The following CELF1 variants were observed in gnomAD, a reference collection of about 807,000 sequenced individuals.
CELF1 encodes the protein 50 kDa nuclear polyadenylated RNA-binding protein.
In CELF1, 10 loss-of-function variants were observed where a neutral mutation model predicts 61.8. The observed-to-expected ratio is 0.16, with a 90% confidence interval of 0.10 to 0.27. CELF1 has a LOEUF of 0.27. Ranked by LOEUF, CELF1 falls within the 10% of genes least tolerant of loss-of-function variation. The probability of loss-of-function intolerance (pLI) is 1.00; values close to 1 mark genes in which losing one functional copy is unlikely to be tolerated. For missense variants in CELF1, 380 were observed against 639.1 expected (o/e 0.59, Z 4.37); for synonymous variants, 236 against 225.1 (o/e 1.05, Z -0.43).
At chr11:47,556,750 G>C (rs1332088230), upstream of CELF1, among the ~76,000 whole-genome samples, 1 of 152,106 alleles carries the variant, frequency 6.6e-6, no homozygotes, top group African/African-American at 2.4e-5. Flanking sequence ...ATGGTGGCAT[G>C]TACATCTGCA....
rs182503583 is a variant in CELF1, at chr11:47,534,996, A to T, written c.-154+17996T>A. ...AACAGTCAGAATTAGAAAAAAAAAA[A>T]TTTTTTTCCCTAAGTTGGAAGCTTT... On this transcript the variant is annotated intron_variant, in intron 1 of 14. Coordinates refer to ENST00000687097, the MANE Select transcript of CELF1 (RefSeq NM_001376376.1). Among the ~76,000 whole-genome samples, 1,054 of 151,964 alleles carry T rather than the reference A, an allele frequency of 6.9e-3. 9 individuals are homozygous for T. Among genetic ancestry groups the T allele is most frequent in the African/African-American group, 0.022 (920 of 41,436 alleles).
At chr11:47,548,423 C>T (rs990237140) in intron 1 of CELF1, among the ~76,000 whole-genome samples, 14 of 152,140 alleles carry the variant, frequency 9.2e-5, no homozygotes, top group East Asian at 3.9e-4. Flanking sequence ...ACACCAAGTG[C>T]GCAGGCAACA....
rs181717309 is a variant in CELF1 at position 47,472,031 on chromosome 11, C to A, written c.*199G>T. 6.3e-5 allele frequency: 36 copies of A among 571,112 alleles called. No homozygotes were observed. In the Admixed American group the frequency reaches 6.4e-4, roughly 10 times the overall value. The allele number at this position is 571,112 out of a possible 1,614,324, so 35.4% of individuals were successfully genotyped here. A position where few individuals can be genotyped will look rare whatever the true frequency, so the allele number is the denominator to read the frequency against. On this transcript the variant is annotated 3_prime_UTR_variant, in exon 15 of 15. Coordinates refer to ENST00000687097, the MANE Select transcript of CELF1 (RefSeq NM_001376376.1). ...CAAAGTAAAACACTGGAAACCAAAG[C>A]ACAAACTTGTCCTCTGTACGAAGCG...
chr11:47,495,473 A>G (rs935760256), intron 3 of CELF1, among the ~76,000 whole-genome samples: 3 of 152,210 alleles, frequency 2.0e-5, no homozygotes, highest in Non-Finnish European at 4.4e-5. Context: ...CTGCAATTAA[A>G]TAGTGGAAAT....
chr11:47,476,148 G>A (rs1014726577), intron 12 of CELF1, among the ~76,000 whole-genome samples: 2 of 151,064 alleles, frequency 1.3e-5, no homozygotes, highest in African/African-American at 4.9e-5. Flanking sequence ...CTACAGGCAT[G>A]CACCACTACA....
chr11:47,546,954 C>T lies in CELF1; in HGVS notation c.-154+6038G>A, dbSNP rs2096967992. Among the ~76,000 whole-genome samples, 3 of 148,148 alleles carry T rather than the reference C, an allele frequency of 2.0e-5. No homozygotes were observed. The South Asian group carries it at 6.6e-4, about 32-fold the overall frequency. Reference sequence around the variant, plus strand: ...TCATGGCATATGCCTGTAATCCCAGCTATTTGGGAGGCTGAGGCAGGAGAA... The same window carrying T: ...TCATGGCATATGCCTGTAATCCCAGTTATTTGGGAGGCTGAGGCAGGAGAA... On this transcript the variant is annotated intron_variant, in intron 1 of 14. Transcript: ENST00000687097.
At chr11:47,532,508 G>A (rs1434940637) in intron 1 of CELF1, among the ~76,000 whole-genome samples, 2 of 152,190 alleles carry the variant, frequency 1.3e-5, no homozygotes, top group African/African-American at 2.4e-5. Flanking sequence ...TTCCTTCCAT[G>A]GATAGAAAGT....
At chr11:47,565,314 C>T (rs552583026) in exon 1 of CELF1, 5 of 188,448 alleles carry the variant, frequency 2.7e-5, no homozygotes, top group Admixed American at 1.8e-4. Flanking sequence ...GGGAGGTCAC[C>T]GGCCACAGGC....
intron 6 of CELF1, among the ~76,000 whole-genome samples, chr11:47,485,083 G>A (rs776452213): frequency 1.3e-5 from 2 of 152,200 alleles, no homozygotes; most frequent in Non-Finnish European, 1.5e-5. Flanking sequence ...ACCATTCTGT[G>A]CCTGTTTCCT....
Position 47,467,667 on chromosome 11 carries a change from T to C in CELF1, c.*4563A>G, listed in dbSNP as rs1264330772. ...GTGCTAAATAAGCCTCTTACCCACCTGCTGCCACCTTCTAGGCTCTACCTC... is the reference window on the plus strand; with the variant it reads ...GTGCTAAATAAGCCTCTTACCCACCCGCTGCCACCTTCTAGGCTCTACCTC... On this transcript the variant is annotated 3_prime_UTR_variant, in exon 15 of 15. Transcript: ENST00000687097. 6.6e-6 allele frequency: 1 copy of C among 152,324 alleles called. No homozygotes were observed. The highest frequency in any genetic ancestry group is 1.5e-5 in the Non-Finnish European group (1 of 68,142). The allele number at this position is 152,324 out of a possible 1,614,324, so 9.4% of individuals were successfully genotyped here. A position where few individuals can be genotyped will look rare whatever the true frequency, so the allele number is the denominator to read the frequency against.
intron 1 of CELF1, among the ~76,000 whole-genome samples, chr11:47,522,842 A>G (rs1355074136): frequency 6.6e-6 from 1 of 152,016 alleles, no homozygotes; most frequent in Non-Finnish European, 1.5e-5. Context: ...AAAAAAAAAA[A>G]AAGCAAACTT....
intron 1 of CELF1, among the ~76,000 whole-genome samples, chr11:47,533,914 A>G (rs2096559626): frequency 6.6e-6 from 1 of 151,466 alleles, no homozygotes; most frequent in Non-Finnish European, 1.5e-5. Context: ...CTCCCTCTTC[A>G]TAAAAGCAGC....
chr11:47,502,193 C>G (rs926935294), intron 1 of CELF1, among the ~76,000 whole-genome samples: 22 of 152,196 alleles, frequency 1.4e-4, no homozygotes, highest in Admixed American at 8.5e-4. Flanking sequence ...CCCATAAATT[C>G]TCTGTGCTTA....
intron 1 of CELF1, among the ~76,000 whole-genome samples, chr11:47,534,131 C>A (rs1258386486): frequency 7.4e-6 from 1 of 135,658 alleles, no homozygotes; most frequent in Non-Finnish European, 1.5e-5. Context: ...TTAGTTCAAA[C>A]TACTCTCCTG....
intron 1 of CELF1, among the ~76,000 whole-genome samples, chr11:47,507,994 C>T (rs2094660499): frequency 6.6e-6 from 1 of 152,186 alleles, no homozygotes; most frequent in South Asian, 2.1e-4. Context: ...CTTCCATTTA[C>T]TAAGTTCACA....
intron 1 of CELF1, among the ~76,000 whole-genome samples, chr11:47,545,950 A>C (rs2096934454): frequency 6.9e-6 from 1 of 145,980 alleles, no homozygotes. Context: ...TCCCACTCTC[A>C]CCCAGGCTGG....
At chr11:47,481,102 C>CTTTTTTTTTTTTTTTTTTTTTT (rs1187959061) in intron 9 of CELF1, among the ~76,000 whole-genome samples, 7 of 71,420 alleles carry the variant, frequency 9.8e-5, no homozygotes, top group African/African-American at 2.9e-4. Flanking sequence ...TTTTCTTCTT[C>CTTTTTTTTTTTTTTTTTTTTTT]TTTTTTTTTT....
At chr11:47,552,240 C>T (rs1240267859) in intron 1 of CELF1, among the ~76,000 whole-genome samples, 2 of 152,184 alleles carry the variant, frequency 1.3e-5, no homozygotes, top group African/African-American at 4.8e-5. Flanking sequence ...GGGTATGAGC[C>T]TAAACCAATG....
chr11:47,558,957 T>C (rs1220594856), intron 2 of CELF1, among the ~76,000 whole-genome samples: 1 of 138,578 alleles, frequency 7.2e-6, no homozygotes, highest in Non-Finnish European at 1.5e-5. Flanking sequence ...ATATTACATA[T>C]AATATGTAAT....
Sources: allele counts gnomAD v4.1 joint callset (sites outside exome capture counted in the v4.1 genomes callset), GRCh38; gene constraint gnomAD v4.1.1; transcripts MANE v1.5; gene names NCBI Gene and HGNC (gene_info 2026-07-23, HGNC 2026-07-21).